PMPCB: variants seen among roughly 807,000 people sequenced by gnomAD.
PMPCB encodes the protein peptidase, mitochondrial processing subunit beta.
PMPCB carries 46 observed loss-of-function variants against 61.5 expected under a neutral mutation model. The observed-to-expected ratio is 0.75, with a 90% CI of 0.59 to 0.96. PMPCB has a LOEUF of 0.96. Among genes scored for constraint, PMPCB ranks in the 40% least tolerant of loss-of-function variants. The probability of loss-of-function intolerance (pLI) is 0.00; values close to 1 mark genes in which losing one functional copy is unlikely to be tolerated. For synonymous variants in PMPCB, 191 were observed against 201.6 expected, an observed-to-expected ratio of 0.95 and a Z score of 0.44; for missense variants, 590 against 602.4, an observed-to-expected ratio of 0.98 and a Z score of 0.22.
At chr7:103,334,756 A>T in the PMPCB span, among the ~76,000 whole-genome samples, 2 of 152,028 alleles carry the variant, frequency 1.3e-5, no homozygotes, top group African/African-American at 4.8e-5. Flanking sequence ...GCCTATAGAA[A>T]TCTTTTCATG....
downstream of PMPCB, among the ~76,000 whole-genome samples, chr7:103,318,899 A>G (rs192275009): frequency 2.9e-3 from 447 of 152,310 alleles, 3 homozygotes; most frequent in South Asian, 6.4e-3. Context: ...ATCCAACTTA[A>G]ATCAACAACA....
chr7:103,327,647 T>C (rs1243399122), intron 12 of PMPCB: 1 of 1,549,384 alleles, frequency 6.5e-7, no homozygotes, highest in Non-Finnish European at 8.9e-7. Flanking sequence ...CTCTAAAGCA[T>C]TTTCTTACCT....
At chr7:103,300,561 G>A (rs192011819) in intron 4 of PMPCB, among the ~76,000 whole-genome samples, 46 of 152,260 alleles carry the variant, frequency 3.0e-4, no homozygotes, top group South Asian at 8.3e-4. Context: ...TATTTTGTCA[G>A]GACAGCAGTT....
the PMPCB span, chr7:103,341,718 GTCTAACAAAGCA>G: frequency 2.1e-6 from 3 of 1,438,426 alleles, no homozygotes; most frequent in Non-Finnish European, 9.3e-7. Context: ...AATTGTCTAT[GTCTAACAAAGCA>G]TCTGACTGAA....
rs564892064 is a variant in PMPCB, at chr7:103,310,467, A to G, written c.1146A>G (p.Gln382=). The part of the protein sequence containing the change: ...STVADMLHVV[Q]KEWMRLCTSV... ...TTGCAGACATGCTACATGTTGTTCA[A>G]AAAGAATGGTGAGAAAAATAGCTTT... The change falls in exon 9 of 13, where the codon CAA becomes CAG. Residue 382 remains glutamine, a synonymous_variant. Coordinates refer to ENST00000249269, the MANE Select transcript of PMPCB (RefSeq NM_004279.3). The G allele has an allele frequency of 2.4e-5, 38 of 1,599,090 alleles. No homozygotes were observed. The Admixed American group carries it at 4.1e-4, about 17-fold the overall frequency.
chr7:103,343,218 CT>C, the PMPCB span, among the ~76,000 whole-genome samples: 1 of 152,060 alleles, frequency 6.6e-6, no homozygotes, highest in Non-Finnish European at 1.5e-5. Flanking sequence ...CCAGGCTGGT[CT>C]CGAACTGCTG....
At chr7:103,333,223 C>T (rs889305162), downstream of PMPCB, among the ~76,000 whole-genome samples, 1 of 152,094 alleles carries the variant, frequency 6.6e-6, no homozygotes, top group African/African-American at 2.4e-5. Context: ...TATTTTCTTC[C>T]TACATCTTCC....
chr7:103,321,155 G>A (rs566466932), intron 12 of PMPCB, among the ~76,000 whole-genome samples: 7 of 152,114 alleles, frequency 4.6e-5, no homozygotes, highest in East Asian at 3.9e-4. Context: ...CCGAGATGGC[G>A]CCACTGCACT....
intron 9 of PMPCB, 23 bp from the exon 10 acceptor site, chr7:103,311,620 T>C: frequency 6.3e-7 from 1 of 1,580,332 alleles, no homozygotes; most frequent in Non-Finnish European, 8.7e-7. Flanking sequence ...TTCCAACTAC[T>C]ACTGTTTTTC....
chr7:103,314,548 T>C lies in PMPCB; in HGVS notation c.*2277T>C. On this transcript the variant is annotated 3_prime_UTR_variant, in exon 13 of 13. Coordinates refer to ENST00000249269, the MANE Select transcript of PMPCB (RefSeq NM_004279.3). ...CCCCCTAAGAAAGAGCTGAGACTAG[T>C]GTGCTAATACCTGTTGTATTTTGTG... 1 of 985,364 alleles carries C rather than the reference T, an allele frequency of 1.0e-6. No homozygotes were observed. Among genetic ancestry groups the C allele is most frequent in the Non-Finnish European group, 1.2e-6 (1 of 829,882 alleles). 61.0% of individuals were successfully genotyped at this position (985,364 alleles called of 1,614,324 possible). A position where few individuals can be genotyped will look rare whatever the true frequency, so the allele number is the denominator to read the frequency against.
chr7:103,307,713 G>A lies in PMPCB; in HGVS notation c.849+5G>A. ...TGCAAATTCACAGGAAGTGAGGTAGGGCAAGCCTTCCAGCTAGTATTTAGC... is the reference window on the plus strand; with the variant it reads ...TGCAAATTCACAGGAAGTGAGGTAGAGCAAGCCTTCCAGCTAGTATTTAGC... On this transcript the variant is annotated splice_donor_5th_base_variant and intron_variant, in intron 7 of 12. Coordinates refer to ENST00000249269, the MANE Select transcript of PMPCB (RefSeq NM_004279.3). 6.6e-7 allele frequency: 1 copy of A among 1,513,304 alleles called. No homozygotes were observed. The highest frequency in any genetic ancestry group is 1.1e-5 in the South Asian group (1 of 89,084). The allele number at this position is 1,513,304 out of a possible 1,614,324, so 93.7% of individuals were successfully genotyped here. A position where few individuals can be genotyped will look rare whatever the true frequency, so the allele number is the denominator to read the frequency against.
At chr7:103,319,592 ATG>A (rs1474035245), downstream of PMPCB, 1 of 1,612,474 alleles carries the variant, frequency 6.2e-7, no homozygotes. Context: ...GGTAGGAGTG[ATG>A]TGTTCCTCTA....
At chr7:103,305,926 T>G (rs1031183880) in intron 6 of PMPCB, among the ~76,000 whole-genome samples, 6 of 152,232 alleles carry the variant, frequency 3.9e-5, no homozygotes, top group African/African-American at 1.4e-4. Context: ...CTGCCATTGT[T>G]GGTGGCATGT....
At chr7:103,319,494 CATAAAG>C (rs1361956663), downstream of PMPCB, 4 of 1,033,936 alleles carry the variant, frequency 3.9e-6, no homozygotes, top group African/African-American at 6.5e-5. Context: ...CAGTGGGAAA[CATAAAG>C]AGAAATCAGA....
downstream of PMPCB, among the ~76,000 whole-genome samples, chr7:103,330,830 C>T (rs1012027253): frequency 9.9e-5 from 15 of 151,996 alleles, no homozygotes; most frequent in Non-Finnish European, 1.3e-4. Context: ...GATCCTCCCA[C>T]CCTGGCCTCC....
chr7:103,327,690 T>C, intron 12 of PMPCB: 1 of 1,613,202 alleles, frequency 6.2e-7, no homozygotes, highest in Non-Finnish European at 8.5e-7. Context: ...CATTATCTCC[T>C]TCTTTTATTG....
rs779296157 is a variant in PMPCB, at chr7:103,304,402, C to T, written c.657-9C>T. On this transcript the variant is annotated splice_polypyrimidine_tract_variant and intron_variant, in intron 5 of 12. Coordinates refer to ENST00000249269, the MANE Select transcript of PMPCB (RefSeq NM_004279.3). ...GTTTCCTTTAAAAATTGTTTTACTT[C>T]ATTTACAGATCTATAAGTCGTAAGG... is the stretch of plus-strand genomic sequence containing the variant. The T allele has an allele frequency of 6.7e-7, 1 of 1,497,040 alleles. No individual in the cohort carries two copies. The highest frequency in any genetic ancestry group is 9.3e-7 in the Non-Finnish European group (1 of 1,080,694). 92.7% of individuals were successfully genotyped at this position (1,497,040 alleles called of 1,614,324 possible). A position where few individuals can be genotyped will look rare whatever the true frequency, so the allele number is the denominator to read the frequency against.
chr7:103,310,340 T>G lies in PMPCB; in HGVS notation c.1019T>G (p.Leu340Arg). Residue 340 changes from leucine (L) to arginine (R), a missense_variant, in exon 9 of 13, where the codon CTC becomes CGC. Coordinates refer to ENST00000249269, the MANE Select transcript of PMPCB (RefSeq NM_004279.3). Reference protein sequence around the residue: ...GMNLSSKLAQLTCHGNLCHSF... With the variant: ...GMNLSSKLAQRTCHGNLCHSF... The stretch of plus-strand genomic sequence containing the variant: ...AATTTATCTAGCAAGCTGGCCCAGC[T>G]CACTTGTCATGGCAATCTTTGCCAT... 6.2e-7 allele frequency: 1 copy of G among 1,613,612 alleles called. No individual in the cohort carries two copies.
downstream of PMPCB, among the ~76,000 whole-genome samples, chr7:103,331,471 T>C (rs1818967694): frequency 6.6e-6 from 1 of 152,226 alleles, no homozygotes; most frequent in African/African-American, 2.4e-5. Flanking sequence ...TCTAATTGTA[T>C]GTTTGTATCC....
Sources: gnomAD v4.1 joint callset for allele counts (sites outside exome capture counted in the v4.1 genomes callset) on GRCh38, gnomAD v4.1.1 for gene constraint, MANE v1.5 for transcripts, NCBI Gene and HGNC (gene_info 2026-07-23, HGNC 2026-07-21) for gene names.